CACHD1: variants seen among roughly 807,000 people sequenced by gnomAD.
The protein encoded by CACHD1 is VWFA and cache domain-containing protein 1.
Under a neutral mutation model 138.7 loss-of-function variants are expected in CACHD1, and 71 were observed. The ratio of observed to expected loss-of-function variants is 0.51; its 90% CI spans 0.42 to 0.62. The LOEUF (loss-of-function observed/expected upper bound fraction) is 0.62, where lower values mean the gene tolerates loss of function less well. CACHD1 is among the 20% of genes least tolerant of loss of function. The pLI is 0.00. For missense variants in CACHD1, 1,389 were observed against 1,625.3 expected (o/e 0.85, Z 2.50); for synonymous variants, 578 against 591.5 (o/e 0.98, Z 0.33).
rs78026842 is a variant in CACHD1, at chr1:64,564,054, C to T, written c.261+13398C>T. 2.9e-3 allele frequency among the ~76,000 whole-genome samples: 446 copies of T among 152,228 alleles called. 12 individuals are homozygous for T. The East Asian group carries it at 0.069, about 24-fold the overall frequency. On this transcript the variant is annotated intron_variant, in intron 2 of 26. Coordinates refer to ENST00000651257, the MANE Select transcript of CACHD1 (RefSeq NM_020925.4). ...AAAATATTACTTTGAACTGAGGGTA[C>T]TTGGGGAACAGCAGGTGCAAGTAGA...
At chr1:64,493,405 T>C (rs528839997) in intron 1 of CACHD1, among the ~76,000 whole-genome samples, 4 of 152,228 alleles carry the variant, frequency 2.6e-5, no homozygotes, top group Non-Finnish European at 5.9e-5. Flanking sequence ...TTCACTTACC[T>C]ATTTTGAGAA....
In CACHD1 at chr1:64,676,947, C is replaced by T. The variant is rs148402915; in HGVS notation, c.3028C>T (p.Pro1010Ser). Residue 1010 changes from proline (P) to serine (S), a missense_variant, in exon 22 of 27, where the codon CCT (proline) becomes TCT (serine). Transcript: ENST00000651257. ...GCCGGTGACATACACAGCTATTGACCCTGGCCTGCAAGATGCTCTTCACCA... is the reference window on the plus strand; with the variant it reads ...GCCGGTGACATACACAGCTATTGACTCTGGCCTGCAAGATGCTCTTCACCA... The part of the protein sequence containing the change: ...QEPVTYTAID[P>S]GLQDALHQCV... 121 of 1,614,006 alleles carry T rather than the reference C, an allele frequency of 7.5e-5. 1 individual carries two copies. In the African/African-American group the frequency reaches 1.5e-3, roughly 20 times the overall value.
In CACHD1 at chr1:64,470,784, C is replaced by G. The variant is rs1489969786; in HGVS notation, c.40C>G (p.Arg14Gly). Residue 14 changes from arginine to glycine, a missense_variant, in exon 1 of 27, where the codon CGG becomes GGG. This residue lies in a region of CACHD1 where 1,000 missense variants were observed against 1,114.7 expected (regional missense o/e 0.90). Transcript: ENST00000651257. The surrounding 1 kb of genome is among the most constrained non-coding windows in gnomAD (Gnocchi z 5.2). ...GGAGGAAGAGGAGACGGCCGTGGCC[C>G]GGGCGCGGCGGCCGCCCCTCTGGCT... ...QPEEEETAVA[R>G]ARRPPLWLLC... The G allele has an allele frequency of 9.5e-6, 10 of 1,049,806 alleles. No individual in the cohort carries two copies. In the South Asian group the frequency reaches 1.3e-4, roughly 13 times the overall value. 65.0% of individuals were successfully genotyped at this position (1,049,806 alleles called of 1,614,324 possible).
At chr1:64,482,864 C>T (rs1445085769) in intron 1 of CACHD1, among the ~76,000 whole-genome samples, 1 of 152,156 alleles carries the variant, frequency 6.6e-6, no homozygotes, top group African/African-American at 2.4e-5. Flanking sequence ...CTTATTAGAG[C>T]ATGAGCTCTT....
intron 1 of CACHD1, among the ~76,000 whole-genome samples, chr1:64,516,830 T>A (rs1321032694): frequency 1.3e-5 from 2 of 152,224 alleles, no homozygotes; most frequent in Non-Finnish European, 2.9e-5. Context: ...CTGGAGCAAT[T>A]CTTTCTTGTA....
chr1:64,608,985 C>T (rs994449607), intron 4 of CACHD1, among the ~76,000 whole-genome samples: 3 of 152,108 alleles, frequency 2.0e-5, no homozygotes, highest in Admixed American at 6.5e-5. Flanking sequence ...TCGCAAACTT[C>T]GATCTTGGTA....
intron 3 of CACHD1, among the ~76,000 whole-genome samples, chr1:64,592,596 G>A (rs1647115222): frequency 6.6e-6 from 1 of 152,122 alleles, no homozygotes; most frequent in African/African-American, 2.4e-5. Context: ...TGTCCATATA[G>A]CAATTGAGGA....
intron 2 of CACHD1, among the ~76,000 whole-genome samples, chr1:64,571,549 G>T (rs1557499199): frequency 6.6e-6 from 1 of 152,204 alleles, no homozygotes. Context: ...CTTGGATTCA[G>T]TAAGTACTTG....
At chr1:64,488,390 A>C (rs1449134033) in intron 1 of CACHD1, among the ~76,000 whole-genome samples, 1 of 152,112 alleles carries the variant, frequency 6.6e-6, no homozygotes, top group Non-Finnish European at 1.5e-5. Flanking sequence ...TAACCTGGTA[A>C]ATTTCTTGTT....
rs191296132 is a variant in CACHD1 at position 64,608,930 on chromosome 1, G to A, written c.517+6018G>A. On this transcript the variant is annotated intron_variant, in intron 4 of 26. Transcript: ENST00000651257. ...AGTCTTTCTCACTGAAAGAAAAAGC[G>A]TCTGGACTTTCTTTATTGCGTTTGA... is the stretch of plus-strand genomic sequence containing the variant. Among the ~76,000 whole-genome samples, 117 of 152,308 alleles carry A rather than the reference G, an allele frequency of 7.7e-4. 2 individuals carry two copies. Among genetic ancestry groups the A allele is most frequent in the Admixed American group, 6.1e-3 (94 of 15,304 alleles).
intron 1 of CACHD1, among the ~76,000 whole-genome samples, chr1:64,501,656 C>A (rs160090): frequency 0.89 from 134,952 of 152,238 alleles, 60,307 homozygotes; most frequent in East Asian, 0.97. Flanking sequence ...CAAAAATACC[C>A]AACCATAGTA....
chr1:64,692,498 C>A lies in CACHD1; in HGVS notation c.*937C>A, dbSNP rs1403409217. 1 of 152,162 alleles carries A rather than the reference C, an allele frequency of 6.6e-6. No individual in the cohort carries two copies. The highest frequency in any genetic ancestry group is 1.9e-4 in the East Asian group (1 of 5,202). 9.4% of individuals were successfully genotyped at this position (152,162 alleles called of 1,614,324 possible). ...CGAAACCTAATGTTAGAACCGCATC[C>A]TTTCAGCTAAGGGAGGGTTGGATTT... On this transcript the variant is annotated 3_prime_UTR_variant, in exon 27 of 27. Coordinates refer to ENST00000651257, the MANE Select transcript of CACHD1 (RefSeq NM_020925.4).
intron 2 of CACHD1, among the ~76,000 whole-genome samples, chr1:64,555,139 C>A (rs1431154561): frequency 1.3e-5 from 2 of 152,066 alleles, no homozygotes; most frequent in African/African-American, 2.4e-5. Context: ...CAGGCAGGCA[C>A]CACCATGCCC....
chr1:64,600,042 C>T (rs1443680154), intron 3 of CACHD1, among the ~76,000 whole-genome samples: 1 of 152,116 alleles, frequency 6.6e-6, no homozygotes, highest in Non-Finnish European at 1.5e-5. Context: ...TTAAGTCTCT[C>T]TTAGGTCCCT....
chr1:64,505,499 T>G (rs577288689), intron 1 of CACHD1, among the ~76,000 whole-genome samples: 1 of 151,622 alleles, frequency 6.6e-6, no homozygotes, highest in Non-Finnish European at 1.5e-5. Context: ...ATTAGGTGCA[T>G]AAAATCGCTG....
chr1:64,623,685 G>A (rs186187352), intron 4 of CACHD1, among the ~76,000 whole-genome samples: 3 of 152,248 alleles, frequency 2.0e-5, no homozygotes, highest in African/African-American at 7.2e-5. Flanking sequence ...GTAAAACACC[G>A]GAGGAGGATT....
At chr1:64,583,877 A>T (rs1227630291) in intron 3 of CACHD1, among the ~76,000 whole-genome samples, 1 of 152,208 alleles carries the variant, frequency 6.6e-6, no homozygotes, top group African/African-American at 2.4e-5. Context: ...CGATTCAATC[A>T]TCTCCCACTG....
At chr1:64,594,019 C>T (rs890804143) in intron 3 of CACHD1, among the ~76,000 whole-genome samples, 7 of 152,008 alleles carry the variant, frequency 4.6e-5, no homozygotes, top group African/African-American at 1.2e-4. Flanking sequence ...TTTGGGAGGC[C>T]GAGGCGTGGG....
At position 64,573,655 on chromosome 1, in the gene CACHD1, T is replaced by C. The variant is rs78494667; in HGVS notation, c.262-8501T>C. On this transcript the variant is annotated intron_variant, in intron 2 of 26. Transcript: ENST00000651257. ...ATATGGCAAATAATGGTATATTGTG[T>C]GGGGGCATGTGACATTAACATCTTT... Among the ~76,000 whole-genome samples, 1,467 of 152,252 alleles carry C rather than the reference T, an allele frequency of 9.6e-3. 17 individuals carry two copies. Among genetic ancestry groups the C allele is most frequent in the East Asian group, 0.054 (281 of 5,178 alleles).
Sources: allele counts gnomAD v4.1 joint callset (sites outside exome capture counted in the v4.1 genomes callset), GRCh38; gene constraint gnomAD v4.1.1; regional missense constraint gnomAD v4.1.1; non-coding constraint Gnocchi (gnomAD v3.1); transcripts MANE v1.5; gene names NCBI Gene and HGNC (gene_info 2026-07-23, HGNC 2026-07-21).